Variants in ARHGAP32 observed in about 807,000 individuals in gnomAD.
The protein encoded by ARHGAP32 is Rho GTPase activating protein 32.
In ARHGAP32, 51 loss-of-function variants were observed where a neutral mutation model predicts 186.5. The observed-to-expected ratio is 0.27, with a 90% CI of 0.22 to 0.35. The LOEUF (loss-of-function observed/expected upper bound fraction) is 0.35. Ranked by LOEUF, ARHGAP32 falls within the 10% of genes least tolerant of loss-of-function variation. The pLI is 1.00. For synonymous variants in ARHGAP32, 950 were observed against 964.3 expected (o/e 0.99, Z 0.27); for missense variants, 2,186 against 2,623.5 (o/e 0.83, Z 3.64).
In ARHGAP32 at chr11:128,981,546, T is replaced by C; in HGVS notation, c.1650A>G (p.Glu550=). Residue 550 remains glutamate (E), a synonymous_variant, in exon 17 of 23, where the codon GAA becomes GAG. Transcript: ENST00000682385. ...APNLLRSKQI[E]SACFSGTAAF... ...CTGCTGTTCCACTGAAGCAGGCAGA[T>C]TCTATCTGTTTTGATCTGTGAGGTA... The C allele has an allele frequency of 1.9e-6, 3 of 1,613,578 alleles. No homozygotes were observed. The highest frequency in any genetic ancestry group is 2.5e-6 in the Non-Finnish European group (3 of 1,179,634).
At chr11:129,058,160 G>A (rs1940328921) in intron 10 of ARHGAP32, among the ~76,000 whole-genome samples, 1 of 148,460 alleles carries the variant, frequency 6.7e-6, no homozygotes, top group South Asian at 2.1e-4. Flanking sequence ...TGGGTCATCT[G>A]TTATGCCCAA....
chr11:128,969,048 T>C lies in ARHGAP32; in HGVS notation c.6165A>G (p.Gly2055=). The C allele has an allele frequency of 6.2e-7, 1 of 1,612,254 alleles. No individual in the cohort carries two copies. Among genetic ancestry groups the C allele is most frequent in the Non-Finnish European group, 8.5e-7 (1 of 1,178,732 alleles). Residue 2055 remains glycine, a synonymous_variant, in exon 23 of 23, where the codon GGA becomes GGG. Coordinates refer to ENST00000682385, the MANE Select transcript of ARHGAP32 (RefSeq NM_001378024.1). This position sits in a 1 kb window ranked among gnomAD's most constrained non-coding sequence, Gnocchi z 4.8. ...SLPQHQRGVF[G]GGGMGTYVPP... is the part of the protein sequence containing the mutation. ...GCACATACGTCCCCATGCCGCCCCC[T>C]CCAAAGACTCCTCGCTGGTGCTGAG...
chr11:128,982,575 G>C (rs1302054941), intron 15 of ARHGAP32, among the ~76,000 whole-genome samples: 2 of 151,828 alleles, frequency 1.3e-5, no homozygotes, highest in Non-Finnish European at 2.9e-5. Flanking sequence ...CTACCTAATA[G>C]TGCCCAGAGT....
chr11:129,087,502 T>C (rs1376859821), intron 6 of ARHGAP32, among the ~76,000 whole-genome samples: 1 of 152,204 alleles, frequency 6.6e-6, no homozygotes, highest in Non-Finnish European at 1.5e-5. Context: ...AATGGCTATA[T>C]ACTGTATGAA....
intron 2 of ARHGAP32, among the ~76,000 whole-genome samples, chr11:129,143,062 G>T (rs186590982): frequency 0.034 from 1,728 of 50,994 alleles, 20 homozygotes; most frequent in South Asian, 0.076. Context: ...TCTATATGCT[G>T]GTAAAACTGC....
chr11:128,988,200 T>C, intron 12 of ARHGAP32, 75 bp from the exon 13 acceptor site: 2 of 1,098,718 alleles, frequency 1.8e-6, no homozygotes, highest in Non-Finnish European at 2.6e-6. Context: ...AATAAGATTG[T>C]CTTAGTTTAC....
intron 1 of ARHGAP32, among the ~76,000 whole-genome samples, chr11:129,202,793 T>C (rs553827723): frequency 6.6e-6 from 1 of 152,300 alleles, no homozygotes; most frequent in South Asian, 2.1e-4. Context: ...GCCACATCAC[T>C]TTGTCTCATT....
In ARHGAP32 at chr11:129,268,664, C is replaced by CAAAAAAAAAA. The variant is rs58858606; in HGVS notation, c.-5+10472_-5+10481dup. Among the ~76,000 whole-genome samples, 12 of 46,398 alleles carry CAAAAAAAAAA rather than the reference C, an allele frequency of 2.6e-4. 2 individuals are homozygous for CAAAAAAAAAA. Among genetic ancestry groups the CAAAAAAAAAA allele is most frequent in the Non-Finnish European group, 4.0e-4 (11 of 27,616 alleles). 30.4% of individuals were successfully genotyped at this position (46,398 alleles called of 152,430 possible). ...GCTCTTTCGTTATTTGCCTCCTCACCAAAAAAAAAAAAAAAAAAAAAAAAA... is the reference window on the plus strand; with the variant it reads ...GCTCTTTCGTTATTTGCCTCCTCACCAAAAAAAAAAAAAAAAAAAAAAAAAAAAAAAAAAA... On this transcript the variant is annotated intron_variant, in intron 1 of 6. Transcript: ENST00000525234.
At chr11:129,055,079 C>T (rs1380289000) in intron 10 of ARHGAP32, among the ~76,000 whole-genome samples, 1 of 152,122 alleles carries the variant, frequency 6.6e-6, no homozygotes, top group Non-Finnish European at 1.5e-5. Context: ...GGGCTTAGGC[C>T]CTGGGATTTG....
chr11:129,039,603 T>A (rs1591555749), intron 11 of ARHGAP32, among the ~76,000 whole-genome samples: 1 of 152,190 alleles, frequency 6.6e-6, no homozygotes, highest in African/African-American at 2.4e-5. Context: ...CTAATGGATA[T>A]GGGATTTCTT....
At chr11:129,101,503 T>C (rs771760294) in intron 5 of ARHGAP32, among the ~76,000 whole-genome samples, 6 of 151,778 alleles carry the variant, frequency 4.0e-5, no homozygotes, top group Non-Finnish European at 5.9e-5. Context: ...GTATAGAAAA[T>C]AATGTAACCA....
intron 1 of ARHGAP32, among the ~76,000 whole-genome samples, chr11:129,226,163 T>A (rs1478526120): frequency 1.3e-5 from 2 of 152,050 alleles, no homozygotes; most frequent in Admixed American, 1.3e-4. Flanking sequence ...TAGGACACCA[T>A]CAAGCACACT....
chr11:129,140,414 T>C lies in ARHGAP32; in HGVS notation c.226-15520A>G, dbSNP rs370315685. On this transcript the variant is annotated intron_variant, in intron 2 of 22. Transcript: ENST00000682385. ...TGTGAGATAATAAATGGGTATTCTT[T>C]TAAGCCCTTAAGCTTGTGATAATTT... Among the ~76,000 whole-genome samples, 14 of 152,336 alleles carry C rather than the reference T, an allele frequency of 9.2e-5. No homozygotes were observed. In the East Asian group the frequency reaches 2.5e-3, roughly 27 times the overall value.
chr11:129,062,190 T>G lies in ARHGAP32; in HGVS notation c.963+90A>C. 5 of 1,052,966 alleles carry G rather than the reference T, an allele frequency of 4.7e-6. No individual in the cohort carries two copies. The African/African-American group carries it at 7.8e-5, about 17-fold the overall frequency. 65.2% of individuals were successfully genotyped at this position (1,052,966 alleles called of 1,614,324 possible). A position where few individuals can be genotyped will look rare whatever the true frequency, so the allele number is the denominator to read the frequency against. On this transcript the variant is annotated intron_variant, in intron 10 of 22. Coordinates refer to ENST00000682385, the MANE Select transcript of ARHGAP32 (RefSeq NM_001378024.1). ...GCAGACAAAATTTCTGATGACAAAGTCCATTACCAGCACATGTAAACAAAA... is the reference window on the plus strand; with the variant it reads ...GCAGACAAAATTTCTGATGACAAAGGCCATTACCAGCACATGTAAACAAAA...
At chr11:128,992,785 A>G (rs896837508) in intron 12 of ARHGAP32, among the ~76,000 whole-genome samples, 1 of 152,272 alleles carries the variant, frequency 6.6e-6, no homozygotes, top group African/African-American at 2.4e-5. Context: ...AAAACTCCGT[A>G]TCAAAACAAA....
intron 5 of ARHGAP32, among the ~76,000 whole-genome samples, chr11:129,105,675 G>A (rs1942029332): frequency 1.3e-5 from 2 of 151,972 alleles, no homozygotes; most frequent in African/African-American, 2.4e-5. Flanking sequence ...AAGGATAGAC[G>A]AAAACCCAGT....
At chr11:128,976,978 G>C (rs139290066) in intron 19 of ARHGAP32, among the ~76,000 whole-genome samples, 3 of 152,120 alleles carry the variant, frequency 2.0e-5, no homozygotes, top group Non-Finnish European at 4.4e-5. Flanking sequence ...ACTGGATTTA[G>C]AGTGGGCCCT....
At chr11:129,141,659 T>C (rs943147222) in intron 2 of ARHGAP32, among the ~76,000 whole-genome samples, 14 of 150,560 alleles carry the variant, frequency 9.3e-5, no homozygotes, top group Non-Finnish European at 1.9e-4. Flanking sequence ...GTTAAGATGG[T>C]AAATACTATG....
intron 1 of ARHGAP32, among the ~76,000 whole-genome samples, chr11:129,244,208 C>T (rs545265715): frequency 6.6e-5 from 10 of 152,248 alleles, no homozygotes; most frequent in African/African-American, 2.4e-4. Context: ...GATAAGAAAA[C>T]TGAGTCAGAG....
Sources: allele counts gnomAD v4.1 joint callset (sites outside exome capture counted in the v4.1 genomes callset), GRCh38; gene constraint gnomAD v4.1.1; non-coding constraint Gnocchi (gnomAD v3.1); transcripts MANE v1.5; gene names NCBI Gene and HGNC (gene_info 2026-07-23, HGNC 2026-07-21).